The following ATP6V1C1 variants were observed in gnomAD, a reference collection of about 807,000 sequenced individuals.
ATP6V1C1 encodes the protein V-type proton ATPase subunit C 1.
Under a neutral mutation model 53.9 loss-of-function variants are expected in ATP6V1C1, and 45 were observed. That is an observed-to-expected ratio of 0.83 (90% CI 0.66 to 1.07). The LOEUF (loss-of-function observed/expected upper bound fraction) is 1.07. Among genes scored for constraint, ATP6V1C1 ranks in the 50% least tolerant of loss-of-function variants. The pLI is 0.00. For synonymous variants in ATP6V1C1, 153 were observed against 155.2 expected, an observed-to-expected ratio of 0.99 and a Z score of 0.11; for missense variants, 315 against 440.3, an observed-to-expected ratio of 0.72 and a Z score of 2.55.
chr8:103,026,737 C>T (rs1045888014), intron 1 of ATP6V1C1, among the ~76,000 whole-genome samples: 6 of 152,162 alleles, frequency 3.9e-5, no homozygotes, highest in Non-Finnish European at 5.9e-5. Context: ...CGCTTAAACC[C>T]AGGAGGCAGA....
rs1160455293 is a variant in ATP6V1C1 at position 103,072,128 on chromosome 8, CAA to C, written c.*3384_*3385del. ...TCCACACTTTGAAATCTTCGTGGAA[CAA>C]AAGATATTTGTGGAACCAATCTTTG... On this transcript the variant is annotated 3_prime_UTR_variant, in exon 13 of 13. Transcript: ENST00000518738. 2.0e-5 allele frequency: 3 copies of C among 152,208 alleles called. No homozygotes were observed. Among genetic ancestry groups the C allele is most frequent in the Admixed American group, 6.5e-5 (1 of 15,290 alleles). 9.4% of individuals were successfully genotyped at this position (152,208 alleles called of 1,614,324 possible). A position where few individuals can be genotyped will look rare whatever the true frequency, so the allele number is the denominator to read the frequency against.
chr8:103,053,740 C>A, intron 6 of ATP6V1C1, 144 bp from the exon 7 acceptor site: 1 of 602,348 alleles, frequency 1.7e-6, no homozygotes, highest in Non-Finnish European at 2.8e-6. Context: ...TAAATGGTGA[C>A]TTCTTACAAA....
chr8:103,031,375 A>G (rs547412685), intron 1 of ATP6V1C1, among the ~76,000 whole-genome samples: 1 of 152,186 alleles, frequency 6.6e-6, no homozygotes, highest in Admixed American at 6.5e-5. Flanking sequence ...TTTGGCTTAC[A>G]GTTCTGTAGG....
chr8:103,047,035 T>C (rs1563605199), intron 3 of ATP6V1C1, among the ~76,000 whole-genome samples: 1 of 152,214 alleles, frequency 6.6e-6, no homozygotes, highest in Non-Finnish European at 1.5e-5. Context: ...CCAAATTTTA[T>C]GAGAATGATT....
chr8:103,024,369 C>T (rs1484010832), intron 1 of ATP6V1C1, among the ~76,000 whole-genome samples: 1 of 152,140 alleles, frequency 6.6e-6, no homozygotes, highest in Non-Finnish European at 1.5e-5. Context: ...AAAGAAACTT[C>T]AGGGCTTCAA....
At chr8:103,065,863 GA>G (rs1293960886) in intron 11 of ATP6V1C1, among the ~76,000 whole-genome samples, 5 of 152,080 alleles carry the variant, frequency 3.3e-5, no homozygotes, top group African/African-American at 1.2e-4. Flanking sequence ...CCAACATGGT[GA>G]AACCCCGTCT....
chr8:103,055,380 A>C, intron 7 of ATP6V1C1, among the ~76,000 whole-genome samples: 1 of 152,136 alleles, frequency 6.6e-6, no homozygotes, highest in East Asian at 1.9e-4. Flanking sequence ...GCCTCTAGAG[A>C]AGGTTGTTGC....
chr8:103,022,391 G>T (rs1317707590), intron 1 of ATP6V1C1, among the ~76,000 whole-genome samples: 3 of 152,152 alleles, frequency 2.0e-5, no homozygotes, highest in African/African-American at 7.2e-5. Flanking sequence ...GAGGACTTTT[G>T]AATGGTAGTC....
At chr8:103,064,953 A>C in intron 11 of ATP6V1C1, 142 bp downstream of exon 11, 1 of 661,160 alleles carries the variant, frequency 1.5e-6, no homozygotes, top group Non-Finnish European at 2.5e-6. Flanking sequence ...GATTATCAGT[A>C]TCATCATACA....
At chr8:103,052,861 G>T in intron 6 of ATP6V1C1, 39 bp downstream of exon 6, 1 of 1,312,418 alleles carries the variant, frequency 7.6e-7, no homozygotes. Flanking sequence ...AAGAACTGGG[G>T]AAGCATACTA....
At chr8:103,030,619 G>A (rs1328214668) in intron 1 of ATP6V1C1, among the ~76,000 whole-genome samples, 1 of 152,186 alleles carries the variant, frequency 6.6e-6, no homozygotes, top group Non-Finnish European at 1.5e-5. Context: ...TCTCTGCACC[G>A]TGTTTTAGGA....
intron 3 of ATP6V1C1, among the ~76,000 whole-genome samples, chr8:103,047,430 G>GCGCACACACACA (rs1491170438): frequency 7.6e-4 from 80 of 104,950 alleles, no homozygotes; most frequent in African/African-American, 2.6e-3. Context: ...AAATGCGCGC[G>GCGCACACACACA]CACACACACA....
chr8:103,063,318 G>A (rs954975239), intron 10 of ATP6V1C1, 90 bp downstream of exon 10: 11 of 859,554 alleles, frequency 1.3e-5, no homozygotes, highest in African/African-American at 1.7e-5. Flanking sequence ...GTAAAAATCT[G>A]CTTTGGTTTT....
Position 103,071,473 on chromosome 8 carries a change from A to G in ATP6V1C1, c.*2726A>G, listed in dbSNP as rs1270326234. 1.3e-5 allele frequency: 2 copies of G among 152,170 alleles called. No individual in the cohort carries two copies. Among genetic ancestry groups the G allele is most frequent in the Non-Finnish European group, 2.9e-5 (2 of 68,024 alleles). The allele number at this position is 152,170 out of a possible 1,614,324, so 9.4% of individuals were successfully genotyped here. ...AAGATTTTTGACTGCTGGTTGTCAC[A>G]CTTCCCGCCCCACACTCAACTGTTG... On this transcript the variant is annotated 3_prime_UTR_variant, in exon 13 of 13. Coordinates refer to ENST00000518738, the MANE Select transcript of ATP6V1C1 (RefSeq NM_001695.5).
At chr8:103,029,281 CT>C (rs1554598976) in intron 1 of ATP6V1C1, among the ~76,000 whole-genome samples, 4 of 114,548 alleles carry the variant, frequency 3.5e-5, no homozygotes, top group African/African-American at 7.4e-5. Context: ...CTCTCTCTCT[CT>C]TCTTTTTTTT....
chr8:103,024,979 T>C (rs1313354229), intron 1 of ATP6V1C1, among the ~76,000 whole-genome samples: 1 of 152,078 alleles, frequency 6.6e-6, no homozygotes, highest in Admixed American at 6.6e-5. Context: ...AGGTAGGCAG[T>C]GGAGGAGAAG....
At chr8:103,063,088 A>G in intron 9 of ATP6V1C1, 41 bp downstream of exon 9, 1 of 1,609,402 alleles carries the variant, frequency 6.2e-7, no homozygotes, top group Non-Finnish European at 8.5e-7. Flanking sequence ...TTGTTAGATC[A>G]GCTGTATACA....
At chr8:103,047,957 T>G (rs1817134381) in intron 3 of ATP6V1C1, among the ~76,000 whole-genome samples, 2 of 152,232 alleles carry the variant, frequency 1.3e-5, no homozygotes, top group African/African-American at 4.8e-5. Flanking sequence ...TAGTAATTTA[T>G]ATATTTTTGG....
intron 1 of ATP6V1C1, among the ~76,000 whole-genome samples, chr8:103,028,229 T>A (rs1816731780): frequency 6.6e-6 from 1 of 152,056 alleles, no homozygotes; most frequent in Admixed American, 6.5e-5. Flanking sequence ...ATTTGTTTTG[T>A]GCGAAACGAG....
Sources: allele counts gnomAD v4.1 joint callset (sites outside exome capture counted in the v4.1 genomes callset), GRCh38; gene constraint gnomAD v4.1.1; transcripts MANE v1.5; gene names NCBI Gene and HGNC (gene_info 2026-07-23, HGNC 2026-07-21).